Variants in PI4KB observed in about 807,000 individuals in gnomAD.
PI4KB encodes the protein PtdIns 4-kinase beta.
In PI4KB, 23 loss-of-function variants were observed where a neutral mutation model predicts 81.4. The ratio of observed to expected loss-of-function variants is 0.28; its 90% CI spans 0.20 to 0.40. PI4KB has a LOEUF of 0.40. Among genes scored for constraint, PI4KB ranks in the 10% least tolerant of loss-of-function variants. The pLI, the probability that PI4KB is intolerant of heterozygous loss-of-function variation, is 1.00. For missense variants in PI4KB, 651 were observed against 1,036.6 expected, an observed-to-expected ratio of 0.63 and a Z score of 5.11; for synonymous variants, 381 against 406.8, an observed-to-expected ratio of 0.94 and a Z score of 0.76.
intron 2 of PI4KB, among the ~76,000 whole-genome samples, chr1:151,311,861 G>A (rs910644552): frequency 1.3e-5 from 2 of 152,142 alleles, no homozygotes; most frequent in Non-Finnish European, 2.9e-5. Flanking sequence ...TGTGACATGC[G>A]GCAGATTTCT....
intron 8 of PI4KB, 69 bp downstream of exon 8, chr1:151,301,775 A>G: frequency 6.8e-7 from 1 of 1,472,640 alleles, no homozygotes; most frequent in Non-Finnish European, 9.4e-7. Flanking sequence ...TTTGTAATCC[A>G]CCCGCCTCGG....
Position 151,306,116 on chromosome 1 carries a change from C to T in PI4KB, c.1410+20G>A. On this transcript the variant is annotated intron_variant, in intron 5 of 11. Transcript: ENST00000368873. ...AGAAAGCTCCTGTGACCCAGCATTACCTCCCTGAAGCCCTCTCACCTCCAC... is the reference window on the plus strand; with the variant it reads ...AGAAAGCTCCTGTGACCCAGCATTATCTCCCTGAAGCCCTCTCACCTCCAC... 1 of 1,586,902 alleles carries T rather than the reference C, an allele frequency of 6.3e-7. No individual in the cohort carries two copies. Among genetic ancestry groups the T allele is most frequent in the Non-Finnish European group, 8.7e-7 (1 of 1,155,406 alleles).
intron 1 of PI4KB, among the ~76,000 whole-genome samples, chr1:151,323,521 G>C (rs557623614): frequency 2.6e-5 from 4 of 151,600 alleles, no homozygotes; most frequent in Non-Finnish European, 5.9e-5. Flanking sequence ...TCAGGAGTTC[G>C]TGACCAGCCT....
chr1:151,303,778 G>T, intron 5 of PI4KB, 128 bp from the exon 6 acceptor site: 1 of 688,726 alleles, frequency 1.5e-6, no homozygotes, highest in Non-Finnish European at 2.6e-6. Flanking sequence ...CACCATGTTG[G>T]TTACTGGGAC....
intron 5 of PI4KB, 79 bp from the exon 6 acceptor site, chr1:151,303,729 T>C: frequency 1.1e-6 from 1 of 885,790 alleles, no homozygotes; most frequent in South Asian, 1.3e-5. Context: ...TTGCTATCAC[T>C]GCAGCATGCT....
intron 1 of PI4KB, among the ~76,000 whole-genome samples, chr1:151,323,997 G>C (rs921379684): frequency 4.6e-5 from 7 of 151,642 alleles, no homozygotes; most frequent in Non-Finnish European, 8.8e-5. Context: ...TGTTACCCAG[G>C]CTGGAGTGCA....
chr1:151,295,937 A>T (rs1339637810), intron 9 of PI4KB, among the ~76,000 whole-genome samples: 1 of 152,190 alleles, frequency 6.6e-6, no homozygotes, highest in Non-Finnish European at 1.5e-5. Context: ...GCTTGCAATC[A>T]AATTCCTTAT....
At chr1:151,327,501 A>C (rs957453548), upstream of PI4KB, 7 of 396,070 alleles carry the variant, frequency 1.8e-5, no homozygotes, top group Non-Finnish European at 2.7e-5. Flanking sequence ...TTCCTCCCTC[A>C]GTACAACCAA....
intron 1 of PI4KB, among the ~76,000 whole-genome samples, chr1:151,326,689 C>A (rs1649654799): frequency 6.6e-6 from 1 of 152,062 alleles, no homozygotes. Flanking sequence ...GACAAGGGCC[C>A]GAGATCCCTT....
chr1:151,294,001 C>T lies in PI4KB; in HGVS notation c.2269+17G>A. On this transcript the variant is annotated intron_variant, in intron 11 of 11. Transcript: ENST00000368873. ...AAGCCTGAGGCACTATAGCACCTGA[C>T]CTCACCCCAGCCCCACCTTGCTGCA... 1.2e-6 allele frequency: 2 copies of T among 1,613,976 alleles called. No homozygotes were observed. Among genetic ancestry groups the T allele is most frequent in the Middle Eastern group, 1.7e-4 (1 of 6,058 alleles).
Position 151,327,302 on chromosome 1 carries a change from C to T in PI4KB, c.-60G>A. On this transcript the variant is annotated 5_prime_UTR_variant, in exon 1 of 12. Coordinates refer to ENST00000368873, the MANE Select transcript of PI4KB (RefSeq NM_001369623.2). The stretch of plus-strand genomic sequence containing the variant: ...GGGACCCCCGCGGAGGGGGTGCGGG[C>T]AGTCGCGGTTGGACTGCCGACACTG... 1 of 189,462 alleles carries T rather than the reference C, an allele frequency of 5.3e-6. No homozygotes were observed. Among genetic ancestry groups the T allele is most frequent in the Non-Finnish European group, 9.6e-6 (1 of 104,662 alleles). 11.7% of individuals were successfully genotyped at this position (189,462 alleles called of 1,614,324 possible).
rs372698559 is a variant in PI4KB at position 151,294,177 on chromosome 1, T to C, written c.2149-39A>G. 5.0e-6 allele frequency: 8 copies of C among 1,593,862 alleles called. No individual in the cohort carries two copies. The African/African-American group carries it at 6.7e-5, about 13-fold the overall frequency. ...AGAGCGTTGTGTGCACAAGGGGTCT[T>C]ACACCGGGGATGGTCCCTGTCCTGA... On this transcript the variant is annotated intron_variant, in intron 10 of 11. Transcript: ENST00000368873.
chr1:151,294,552 G>C lies in PI4KB; in HGVS notation c.2016-11C>G. 1 of 1,613,860 alleles carries C rather than the reference G, an allele frequency of 6.2e-7. No individual in the cohort carries two copies. The highest frequency in any genetic ancestry group is 2.2e-5 in the East Asian group (1 of 44,876). ...ATATTCCCATTGTGTCTGAGGAGGG[G>C]GAATAGAGGAGAGGAAGAGGCAGTA... On this transcript the variant is annotated splice_polypyrimidine_tract_variant and intron_variant, in intron 9 of 11. Transcript: ENST00000368873.
In PI4KB at chr1:151,316,266, G is replaced by A. The variant is rs768149776; in HGVS notation, c.216C>T (p.Gly72=). 3 of 1,614,132 alleles carry A rather than the reference G, an allele frequency of 1.9e-6. No homozygotes were observed. The highest frequency in any genetic ancestry group is 2.5e-6 in the Non-Finnish European group (3 of 1,180,002). The change falls in exon 2 of 12, where the codon GGC becomes GGT. Residue 72 remains glycine (G), a synonymous_variant. Transcript: ENST00000368873. The part of the protein sequence containing the change: ...LHGGVAVSSR[G]TPLELVNGDG... ...CCCCATTGACCAACTCCAGTGGGGT[G>A]CCTCTGCTAGAGACTGCCACGCCTC...
chr1:151,294,575 G>A, intron 9 of PI4KB, 34 bp from the exon 10 acceptor site: 1 of 1,611,882 alleles, frequency 6.2e-7, no homozygotes, highest in Non-Finnish European at 8.5e-7. Flanking sequence ...GGAAGAGGCA[G>A]TAGTCAGTCT....
intron 3 of PI4KB, 81 bp downstream of exon 3, chr1:151,310,130 G>C: frequency 1.0e-6 from 1 of 984,716 alleles, no homozygotes; most frequent in Non-Finnish European, 1.6e-6. Flanking sequence ...CTTGGCCTGG[G>C]GGCTCAGAAG....
At chr1:151,300,622 A>G (rs1422811229) in intron 8 of PI4KB, 2 of 152,096 alleles carry the variant, frequency 1.3e-5, no homozygotes, top group African/African-American at 4.8e-5. Context: ...AAAATAAAAT[A>G]AGGAAAAAAA....
chr1:151,302,995 G>C (rs146732166), intron 6 of PI4KB, among the ~76,000 whole-genome samples: 1 of 107,136 alleles, frequency 9.3e-6, no homozygotes, highest in Non-Finnish European at 1.9e-5. Flanking sequence ...GTGCTTTCTT[G>C]TTTTTTTTTT....
At chr1:151,300,587 A>G (rs1459071689) in intron 8 of PI4KB, 1 of 152,282 alleles carries the variant, frequency 6.6e-6, no homozygotes, top group East Asian at 1.9e-4. Context: ...AGCCTGGGAA[A>G]CAAGAGCAGA....
Sources: allele counts gnomAD v4.1 joint callset (sites outside exome capture counted in the v4.1 genomes callset), GRCh38; gene constraint gnomAD v4.1.1; transcripts MANE v1.5; gene names NCBI Gene and HGNC (gene_info 2026-07-23, HGNC 2026-07-21).